CNBD1: variants seen among roughly 807,000 people sequenced by gnomAD.
CNBD1 encodes cyclic nucleotide-binding domain-containing protein 1.
CNBD1 carries 71 observed loss-of-function variants against 54.4 expected under a neutral mutation model. That is an observed-to-expected ratio of 1.30 (90% CI 1.08 to 1.59). The LOEUF is 1.59. Among genes scored for constraint, CNBD1 ranks in the 40% most tolerant of loss-of-function variants. CNBD1 has a pLI of 0.00. For missense variants in CNBD1, 659 were observed against 518.0 expected, an observed-to-expected ratio of 1.27 and a Z score of -2.64; for synonymous variants, 182 against 170.7, an observed-to-expected ratio of 1.07 and a Z score of -0.51.
At chr8:86,931,288 C>G (rs1809453287) in intron 3 of CNBD1, among the ~76,000 whole-genome samples, 1 of 152,128 alleles carries the variant, frequency 6.6e-6, no homozygotes, top group Admixed American at 6.5e-5. Context: ...AGTGGTTAAA[C>G]TTACCTGGGG....
chr8:87,387,097 C>T (rs575176340), downstream of CNBD1, among the ~76,000 whole-genome samples: 7 of 152,274 alleles, frequency 4.6e-5, no homozygotes, highest in South Asian at 1.5e-3. Flanking sequence ...AAAAGAGCTC[C>T]TGAAGGAAGC....
chr8:87,365,761 T>C (rs961071733), intron 10 of CNBD1, among the ~76,000 whole-genome samples: 7 of 152,078 alleles, frequency 4.6e-5, no homozygotes, highest in Admixed American at 2.6e-4. Flanking sequence ...TATGGGTTTA[T>C]GCATGCCTCT....
chr8:87,325,625 C>A (rs923221838), intron 8 of CNBD1, among the ~76,000 whole-genome samples: 21 of 132,122 alleles, frequency 1.6e-4, no homozygotes, highest in Non-Finnish European at 3.2e-4. Context: ...AGGATTGCAA[C>A]CCCTGCCTTT....
At chr8:87,341,019 A>G (rs922354206) in intron 8 of CNBD1, among the ~76,000 whole-genome samples, 10 of 152,040 alleles carry the variant, frequency 6.6e-5, no homozygotes, top group Admixed American at 3.3e-4. Flanking sequence ...TTAATTTTTC[A>G]TACATACGTT....
chr8:87,224,426 G>A (rs1349503628), intron 5 of CNBD1, among the ~76,000 whole-genome samples: 19 of 151,596 alleles, frequency 1.3e-4, no homozygotes, highest in East Asian at 9.6e-4. Flanking sequence ...TGTATAAGGC[G>A]TAAGGAAGGG....
chr8:87,250,300 C>T (rs1807888928), intron 6 of CNBD1, among the ~76,000 whole-genome samples: 1 of 152,134 alleles, frequency 6.6e-6, no homozygotes, highest in Non-Finnish European at 1.5e-5. Context: ...ATTAAAATGG[C>T]TGTTATCCAA....
chr8:87,240,600 C>G (rs1563520256), intron 6 of CNBD1, among the ~76,000 whole-genome samples: 2 of 152,110 alleles, frequency 1.3e-5, no homozygotes, highest in Non-Finnish European at 2.9e-5. Context: ...GCCATAGAAT[C>G]CAGCAGTGGG....
intron 2 of CNBD1, among the ~76,000 whole-genome samples, chr8:87,421,203 A>G (rs1216527304): frequency 1.3e-5 from 2 of 151,142 alleles, no homozygotes; most frequent in African/African-American, 4.9e-5. Flanking sequence ...TACATAATTC[A>G]CTTAGTATCT....
intron 4 of CNBD1, among the ~76,000 whole-genome samples, chr8:87,011,565 C>CT (rs1411629507): frequency 2.0e-5 from 3 of 151,946 alleles, no homozygotes; most frequent in Admixed American, 6.6e-5. Flanking sequence ...TAAGCAGGAA[C>CT]ATAAGTACTT....
intron 8 of CNBD1, among the ~76,000 whole-genome samples, chr8:87,328,946 C>T (rs990691485): frequency 3.3e-5 from 5 of 151,924 alleles, no homozygotes; most frequent in Admixed American, 2.6e-4. Flanking sequence ...TCATGCTTTT[C>T]TTTTTGTATA....
At chr8:87,005,941 G>A (rs1348438028) in intron 4 of CNBD1, among the ~76,000 whole-genome samples, 1 of 152,182 alleles carries the variant, frequency 6.6e-6, no homozygotes, top group Admixed American at 6.5e-5. Flanking sequence ...AAAACTGAAA[G>A]AGGCTGGGAG....
chr8:87,213,360 C>T (rs1229921271), intron 5 of CNBD1, among the ~76,000 whole-genome samples: 4 of 152,094 alleles, frequency 2.6e-5, no homozygotes, highest in Non-Finnish European at 5.9e-5. Flanking sequence ...TAAAGACATA[C>T]CTGAGACTGG....
intron 10 of CNBD1, among the ~76,000 whole-genome samples, chr8:87,380,537 T>G (rs568203475): frequency 6.6e-6 from 1 of 152,140 alleles, no homozygotes; most frequent in South Asian, 2.1e-4. Context: ...AAAATTGTTT[T>G]GTCTATTTCT....
chr8:87,189,756 C>T (rs1395002949), intron 4 of CNBD1, among the ~76,000 whole-genome samples: 1 of 152,126 alleles, frequency 6.6e-6, no homozygotes, highest in Non-Finnish European at 1.5e-5. Flanking sequence ...TGATAATGAT[C>T]AGCATTTGTC....
chr8:87,360,926 A>T (rs1434816748), intron 10 of CNBD1, among the ~76,000 whole-genome samples: 5 of 151,914 alleles, frequency 3.3e-5, no homozygotes, highest in African/African-American at 4.8e-5. Context: ...TCTGTTAAGC[A>T]TTTCAGGGGC....
intron 4 of CNBD1, among the ~76,000 whole-genome samples, chr8:87,090,638 T>C (rs1811186393): frequency 6.6e-6 from 1 of 152,262 alleles, no homozygotes; most frequent in Admixed American, 6.5e-5. Context: ...TGAACTCGTG[T>C]AATAAATTTA....
intron 4 of CNBD1, among the ~76,000 whole-genome samples, chr8:87,133,267 T>C (rs1001264715): frequency 6.6e-6 from 1 of 152,196 alleles, no homozygotes; most frequent in Admixed American, 6.5e-5. Flanking sequence ...GTCTTTTCTC[T>C]TGTGTATGAG....
chr8:87,174,557 G>C (rs1390036837), intron 4 of CNBD1, among the ~76,000 whole-genome samples: 1 of 152,144 alleles, frequency 6.6e-6, no homozygotes, highest in African/African-American at 2.4e-5. Flanking sequence ...ACATATCTCT[G>C]TATTTCTGAG....
intron 3 of CNBD1, among the ~76,000 whole-genome samples, chr8:86,932,106 T>A (rs565530719): frequency 6.6e-6 from 1 of 152,232 alleles, no homozygotes; most frequent in East Asian, 1.9e-4. Context: ...ATCTCCAAAG[T>A]CTCGGGCTGC....
Sources: allele counts gnomAD v4.1 joint callset (sites outside exome capture counted in the v4.1 genomes callset), GRCh38; gene constraint gnomAD v4.1.1; transcripts MANE v1.5; gene names NCBI Gene and HGNC (gene_info 2026-07-23, HGNC 2026-07-21).